The following SUPT3H variants were observed in gnomAD, a reference collection of about 807,000 sequenced individuals.
SUPT3H encodes the protein SPT3 homolog, SAGA and STAGA complex component, also known as transcription initiation protein SPT3 homolog.
A neutral mutation model predicts 44.3 loss-of-function variants in SUPT3H; 44 were observed. The ratio of observed to expected loss-of-function variants is 0.99; its 90% CI spans 0.78 to 1.28. The LOEUF is 1.28. Among genes scored for constraint, SUPT3H ranks in the 50% most tolerant of loss-of-function variants. The pLI is 0.00. For synonymous variants in SUPT3H, 124 were observed against 125.6 expected (o/e 0.99, Z 0.09); for missense variants, 380 against 387.1 (o/e 0.98, Z 0.15).
intron 2 of SUPT3H, among the ~76,000 whole-genome samples, chr6:45,133,485 T>A (rs1281567723): frequency 6.6e-6 from 1 of 152,134 alleles, no homozygotes; most frequent in East Asian, 1.9e-4. Context: ...CTAAGATTGA[T>A]CCAGTCCTGC....
chr6:45,142,221 C>A (rs546492334), intron 2 of SUPT3H, among the ~76,000 whole-genome samples: 1 of 152,098 alleles, frequency 6.6e-6, no homozygotes, highest in Non-Finnish European at 1.5e-5. Flanking sequence ...TACTACCAAG[C>A]CAGCACTACA....
intron 10 of SUPT3H, among the ~76,000 whole-genome samples, chr6:44,924,525 A>G (rs1769229855): frequency 6.6e-6 from 1 of 152,140 alleles, no homozygotes; most frequent in Non-Finnish European, 1.5e-5. Flanking sequence ...AGAGTTAAGA[A>G]TACAGGTCAA....
At chr6:45,246,279 T>C (rs1771329149) in intron 2 of SUPT3H, among the ~76,000 whole-genome samples, 1 of 152,192 alleles carries the variant, frequency 6.6e-6, no homozygotes, top group Non-Finnish European at 1.5e-5. Context: ...ATTTTAATGA[T>C]GTCTAATTTT....
At chr6:44,897,328 T>C (rs865895200) in intron 10 of SUPT3H, among the ~76,000 whole-genome samples, 2 of 152,214 alleles carry the variant, frequency 1.3e-5, no homozygotes, top group Non-Finnish European at 2.9e-5. Flanking sequence ...AGTCCATTAG[T>C]CATCCTATAG....
chr6:45,019,891 T>G (rs1204220027), intron 4 of SUPT3H, among the ~76,000 whole-genome samples: 3 of 151,946 alleles, frequency 2.0e-5, no homozygotes, highest in Non-Finnish European at 4.4e-5. Flanking sequence ...TCATATCATC[T>G]AAGAGTTGAT....
At chr6:45,310,304 A>C (rs1452018306) in intron 2 of SUPT3H, among the ~76,000 whole-genome samples, 2 of 152,208 alleles carry the variant, frequency 1.3e-5, no homozygotes, top group Admixed American at 6.5e-5. Context: ...GAATTCAGAC[A>C]CACCTAGCCC....
intron 10 of SUPT3H, among the ~76,000 whole-genome samples, chr6:44,849,220 C>CTTTTTTT (rs143665414): frequency 1.0e-5 from 1 of 96,634 alleles, no homozygotes; most frequent in African/African-American, 4.2e-5. Context: ...CAAATGAATA[C>CTTTTTTT]TTTTTTTTTT....
At chr6:45,061,893 GTTTTTT>G (rs34656186) in intron 3 of SUPT3H, among the ~76,000 whole-genome samples, 2 of 93,554 alleles carry the variant, frequency 2.1e-5, no homozygotes, top group African/African-American at 8.1e-5. Context: ...TCCATAAGCT[GTTTTTT>G]TTTTTTTTTT....
intron 3 of SUPT3H, among the ~76,000 whole-genome samples, chr6:45,059,707 G>A (rs1304042119): frequency 1.3e-5 from 2 of 151,978 alleles, no homozygotes; most frequent in African/African-American, 2.4e-5. Flanking sequence ...CAGTTCAAAA[G>A]CTTCTTAAAC....
chr6:44,990,462 T>G (rs537924351), intron 6 of SUPT3H, among the ~76,000 whole-genome samples: 62 of 152,062 alleles, frequency 4.1e-4, no homozygotes, highest in African/African-American at 1.4e-3. Context: ...CTTGGTAACA[T>G]AATTGGAGAT....
At chr6:45,366,654 ACCT>A (rs1289426067) in intron 1 of SUPT3H, among the ~76,000 whole-genome samples, 1 of 152,144 alleles carries the variant, frequency 6.6e-6, no homozygotes, top group East Asian at 1.9e-4. Context: ...TTACTAAAAG[ACCT>A]CTATGCAACT....
chr6:44,870,816 C>T (rs1015005688), intron 10 of SUPT3H, among the ~76,000 whole-genome samples: 1 of 151,470 alleles, frequency 6.6e-6, no homozygotes, highest in African/African-American at 2.4e-5. Flanking sequence ...TGAAGCAGGG[C>T]GAGGCATTCC....
intron 1 of SUPT3H, among the ~76,000 whole-genome samples, chr6:45,368,821 CTT>C (rs1313282293): frequency 3.3e-5 from 5 of 151,850 alleles, no homozygotes; most frequent in African/African-American, 7.3e-5. Context: ...TAATAGAAAA[CTT>C]TTATAATTAG....
chr6:45,169,549 AT>A (rs937708909), intron 2 of SUPT3H, among the ~76,000 whole-genome samples: 20 of 152,170 alleles, frequency 1.3e-4, no homozygotes, highest in African/African-American at 4.6e-4. Flanking sequence ...CATAAAAAAA[AT>A]GTTTTTATAT....
At chr6:44,958,841 C>T (rs1170183543) in intron 7 of SUPT3H, among the ~76,000 whole-genome samples, 1 of 147,872 alleles carries the variant, frequency 6.8e-6, no homozygotes, top group Non-Finnish European at 1.5e-5. Context: ...TGACATTAGG[C>T]CAAGAAGGAA....
At chr6:45,343,206 C>T (rs1790169528) in intron 2 of SUPT3H, among the ~76,000 whole-genome samples, 1 of 152,164 alleles carries the variant, frequency 6.6e-6, no homozygotes, top group African/African-American at 2.4e-5. Context: ...GACCTGAAAG[C>T]TTGTTAAAAA....
At chr6:45,315,411 C>T (rs763250433) in intron 2 of SUPT3H, among the ~76,000 whole-genome samples, 1 of 152,010 alleles carries the variant, frequency 6.6e-6, no homozygotes, top group African/African-American at 2.4e-5. Flanking sequence ...CTAGAATCTA[C>T]AACAAACTCA....
At chr6:45,128,601 TACACACATAC>T (rs1802917714) in intron 2 of SUPT3H, among the ~76,000 whole-genome samples, 1 of 133,072 alleles carries the variant, frequency 7.5e-6, no homozygotes, top group Non-Finnish European at 1.6e-5. Flanking sequence ...TATATATATA[TACACACATAC>T]ACACACATAT....
At chr6:44,887,634 T>C (rs1762537262) in intron 10 of SUPT3H, among the ~76,000 whole-genome samples, 1 of 151,634 alleles carries the variant, frequency 6.6e-6, no homozygotes, top group Non-Finnish European at 1.5e-5. Context: ...TAGAGGGAAA[T>C]TTATAGCACT....
Sources: allele counts gnomAD v4.1 joint callset (sites outside exome capture counted in the v4.1 genomes callset), GRCh38; gene constraint gnomAD v4.1.1; transcripts MANE v1.5; gene names NCBI Gene and HGNC (gene_info 2026-07-23, HGNC 2026-07-21).